The following MYH16 variants were observed in gnomAD, a reference collection of about 807,000 sequenced individuals.
The protein encoded by MYH16 is myosin heavy chain 16.
chr7:99,296,559 G>T, intron 33 of MYH16, 142 bp from the exon 15 acceptor site: 2 of 377,026 alleles, frequency 5.3e-6, no homozygotes, highest in East Asian at 7.4e-5. Flanking sequence ...CATAGCTGTT[G>T]AATTACATTC....
chr7:99,242,273 T>C (rs1056079453), intron 1 of MYH16, among the ~76,000 whole-genome samples: 9 of 152,142 alleles, frequency 5.9e-5, no homozygotes, highest in Admixed American at 5.9e-4. Flanking sequence ...GTTTCTTTTT[T>C]TTCTTCTTTT....
intron 36 of MYH16, 72 bp downstream of exon 17, chr7:99,298,067 C>T: frequency 6.8e-6 from 3 of 443,198 alleles, no homozygotes; most frequent in South Asian, 4.8e-5. Flanking sequence ...ACCCCAGTCT[C>T]TTCCACCTAC....
chr7:99,256,901 T>C (rs531944690), intron 9 of MYH16, among the ~76,000 whole-genome samples: 21 of 152,242 alleles, frequency 1.4e-4, no homozygotes, highest in African/African-American at 4.6e-4. Context: ...CAGTGAGCCA[T>C]GATCGTGCCA....
At chr7:99,252,188 T>TA (rs1320235855) in intron 6 of MYH16, among the ~76,000 whole-genome samples, 1 of 151,966 alleles carries the variant, frequency 6.6e-6, no homozygotes, top group African/African-American at 2.4e-5. Context: ...AGTGGGTTCT[T>TA]AAACCAGTGC....
At chr7:99,301,119 C>T (rs113989821) in intron 37 of MYH16, among the ~76,000 whole-genome samples, 1,798 of 148,684 alleles carry the variant, frequency 0.012, 33 homozygotes, top group African/African-American at 0.042. Context: ...CACTTGAACC[C>T]GGGAGGCGGA....
intron 1 of MYH16, among the ~76,000 whole-genome samples, chr7:99,239,558 G>A (rs1345531440): frequency 2.6e-5 from 4 of 152,118 alleles, no homozygotes; most frequent in East Asian, 1.9e-4. Context: ...GATGGCTTCC[G>A]ATGGCTTTTA....
intron 2 of MYH16, among the ~76,000 whole-genome samples, chr7:99,247,088 A>G (rs936792661): frequency 2.0e-5 from 3 of 152,188 alleles, no homozygotes; most frequent in African/African-American, 7.2e-5. Context: ...ACAAAAACAA[A>G]TATATATTAA....
chr7:99,276,853 ATGAG>A (rs1466736641), intron 20 of MYH16, among the ~76,000 whole-genome samples: 1 of 151,806 alleles, frequency 6.6e-6, no homozygotes, highest in African/African-American at 2.4e-5. Flanking sequence ...GACACAGAAA[ATGAG>A]AGAGAGAGAG....
chr7:99,283,979 T>C, exon 25 of MYH16: 1 of 456,258 alleles, frequency 2.2e-6, no homozygotes, highest in Non-Finnish European at 4.4e-6. Context: ...CTCAATGAGA[T>C]GGAGCGTTCC....
chr7:99,287,847 G>A (rs1420897760), intron 28 of MYH16, 45 bp from the exon 10 acceptor site: 2 of 440,400 alleles, frequency 4.5e-6, no homozygotes, highest in Admixed American at 2.4e-5. Flanking sequence ...CCCGGAAAAG[G>A]CTGGCACTGG....
intron 23 of MYH16, among the ~76,000 whole-genome samples, chr7:99,282,999 C>T (rs1007362687): frequency 6.6e-6 from 1 of 152,124 alleles, no homozygotes; most frequent in Non-Finnish European, 1.5e-5. Context: ...ACCAGATTGT[C>T]CAGAGCAAAA....
chr7:99,285,562 A>G (rs1792266248), intron 27 of MYH16, 124 bp downstream of exon 9: 1 of 407,490 alleles, frequency 2.5e-6, no homozygotes, highest in Non-Finnish European at 4.9e-6. Flanking sequence ...TAAAAAGTCT[A>G]GTTGCTTCTG....
At chr7:99,239,476 GC>G (rs1163209430) in intron 1 of MYH16, among the ~76,000 whole-genome samples, 2 of 152,176 alleles carry the variant, frequency 1.3e-5, no homozygotes, top group African/African-American at 4.8e-5. Context: ...CACTGGGTGA[GC>G]TCTTCAGCTG....
intron 2 of MYH16, among the ~76,000 whole-genome samples, chr7:99,244,200 T>G (rs1474553403): frequency 6.6e-6 from 1 of 152,036 alleles, no homozygotes; most frequent in Non-Finnish European, 1.5e-5. Flanking sequence ...ATCCATTCAT[T>G]CATTAATCAA....
At chr7:99,283,611 T>C (rs1208014548) in exon 24 of MYH16, 1 of 456,448 alleles carries the variant, frequency 2.2e-6, no homozygotes, top group Admixed American at 2.4e-5. Context: ...GTGAACCACC[T>C]GACCAAAAAT....
At position 99,268,892 on chromosome 7, in the gene MYH16, C is replaced by A. The variant is rs138560481; in HGVS notation, n.2266+1918C>A. Among the ~76,000 whole-genome samples the A allele has an allele frequency of 2.4e-3, 360 of 152,280 alleles. 1 individual carries two copies. The highest frequency in any genetic ancestry group is 4.1e-3 in the Non-Finnish European group (278 of 68,032). ...CACAGTGGCTCAGTTAGGTGCTGTACTCCCTGGCCCCGTGTGGCATTTTGG... is the reference window on the plus strand; with the variant it reads ...CACAGTGGCTCAGTTAGGTGCTGTAATCCCTGGCCCCGTGTGGCATTTTGG... On this transcript the variant is annotated intron_variant and non_coding_transcript_variant, in intron 18 of 41. Coordinates refer to ENST00000439784, the Ensembl canonical transcript of MYH16.
chr7:99,272,588 C>A (rs958762573), intron 19 of MYH16, among the ~76,000 whole-genome samples: 45 of 151,722 alleles, frequency 3.0e-4, no homozygotes, highest in Admixed American at 3.0e-3. Flanking sequence ...CAAAAAAAAA[C>A]AGAAACAAAA....
At chr7:99,284,215 A>G (rs1445919773) in intron 25 of MYH16, among the ~76,000 whole-genome samples, 197 bp downstream of exon 7, 1 of 152,028 alleles carries the variant, frequency 6.6e-6, no homozygotes, top group African/African-American at 2.4e-5. Context: ...GTCACACAAT[A>G]CCTGGTGGGC....
At chr7:99,249,937 C>T (rs117603450) in intron 4 of MYH16, 4,594 of 152,908 alleles carry the variant, frequency 0.03, 105 homozygotes, top group Non-Finnish European at 0.048. Flanking sequence ...AGCTGACCAC[C>T]CCTCTTCCTG....
Sources: gnomAD v4.1 joint callset for allele counts (sites outside exome capture counted in the v4.1 genomes callset) on GRCh38, gnomAD v4.1.1 for gene constraint, MANE v1.5 for transcripts, NCBI Gene and HGNC (gene_info 2026-07-23, HGNC 2026-07-21) for gene names.